SLC4A4: variants seen among roughly 807,000 people sequenced by gnomAD.
SLC4A4 encodes solute carrier family 4 member 4.
Under a neutral mutation model 111.5 loss-of-function variants are expected in SLC4A4, and 27 were observed. The observed-to-expected ratio is 0.24, with a 90% CI of 0.18 to 0.33. The LOEUF (loss-of-function observed/expected upper bound fraction) is 0.33. Among genes scored for constraint, SLC4A4 ranks in the 10% least tolerant of loss-of-function variants. The pLI, the probability that SLC4A4 is intolerant of heterozygous loss-of-function variation, is 1.00. For synonymous variants in SLC4A4, 443 were observed against 463.4 expected (o/e 0.96, Z 0.57); for missense variants, 909 against 1,315.5 (o/e 0.69, Z 4.78).
intron 3 of SLC4A4, among the ~76,000 whole-genome samples, chr4:71,311,957 C>G (rs1180082278): frequency 7.7e-6 from 1 of 130,178 alleles, no homozygotes; most frequent in Non-Finnish European, 1.7e-5. Context: ...CACGAAAAAC[C>G]CTTCAAAAAA....
chr4:71,478,769 T>G (rs925834438), intron 14 of SLC4A4, among the ~76,000 whole-genome samples: 1 of 151,756 alleles, frequency 6.6e-6, no homozygotes, highest in Admixed American at 6.6e-5. Context: ...AAAAGAATTG[T>G]GCTACTTGCA....
intron 2 of SLC4A4, among the ~76,000 whole-genome samples, chr4:71,147,789 A>G (rs143919061): frequency 7.2e-5 from 11 of 152,244 alleles, no homozygotes; most frequent in Middle Eastern, 6.8e-3. Context: ...TGTTGCCAGA[A>G]AAATAGCTGT....
At chr4:71,095,649 T>A (rs559437076) in intron 2 of SLC4A4, among the ~76,000 whole-genome samples, 41 of 152,314 alleles carry the variant, frequency 2.7e-4, no homozygotes, top group African/African-American at 9.6e-4. Flanking sequence ...ACTGATAAGG[T>A]CTAGGTACTA....
chr4:71,368,774 G>A (rs1462874328), intron 6 of SLC4A4, among the ~76,000 whole-genome samples: 3 of 152,124 alleles, frequency 2.0e-5, no homozygotes, highest in African/African-American at 4.8e-5. Flanking sequence ...GAACTGCAGG[G>A]TGGATCATCC....
At chr4:71,529,433 G>A (rs1006873251) in intron 16 of SLC4A4, among the ~76,000 whole-genome samples, 11 of 150,398 alleles carry the variant, frequency 7.3e-5, no homozygotes, top group African/African-American at 1.2e-4. Context: ...GGAATCATGC[G>A]TCTTGATCTC....
intron 13 of SLC4A4, among the ~76,000 whole-genome samples, chr4:71,468,674 G>T (rs963523373): frequency 6.6e-6 from 1 of 151,670 alleles, no homozygotes; most frequent in African/African-American, 2.4e-5. Context: ...CAAAATATTT[G>T]GGTAGATCAC....
intron 2 of SLC4A4, among the ~76,000 whole-genome samples, chr4:71,105,791 A>G (rs1223655453): frequency 8.8e-6 from 1 of 113,374 alleles, no homozygotes; most frequent in Non-Finnish European, 1.9e-5. Context: ...TTAAAGACTT[A>G]AACATTAGAC....
intron 18 of SLC4A4, among the ~76,000 whole-genome samples, chr4:71,538,285 TTA>T (rs1734747259): frequency 6.6e-6 from 1 of 152,150 alleles, no homozygotes; most frequent in Non-Finnish European, 1.5e-5. Flanking sequence ...ACAGACATTT[TTA>T]ATCTTATTTT....
upstream of SLC4A4, chr4:71,187,197 G>C (rs906820276): frequency 6.6e-6 from 1 of 151,920 alleles, no homozygotes; most frequent in Non-Finnish European, 1.5e-5. Flanking sequence ...CCCGCGGCTC[G>C]GCCCCGCCGC....
At chr4:71,228,611 T>C (rs1719200187) in intron 1 of SLC4A4, among the ~76,000 whole-genome samples, 1 of 152,212 alleles carries the variant, frequency 6.6e-6, no homozygotes, top group Admixed American at 6.5e-5. Flanking sequence ...TATTCAGTTT[T>C]GCCTGATTCT....
At chr4:71,164,187 C>T (rs888783403) in intron 2 of SLC4A4, among the ~76,000 whole-genome samples, 1 of 152,076 alleles carries the variant, frequency 6.6e-6, no homozygotes, top group African/African-American at 2.4e-5. Flanking sequence ...TTGAGACCAG[C>T]CTGGCCAACA....
chr4:71,433,135 T>C (rs1723794098), intron 7 of SLC4A4, among the ~76,000 whole-genome samples: 1 of 152,044 alleles, frequency 6.6e-6, no homozygotes, highest in Non-Finnish European at 1.5e-5. Flanking sequence ...AAAACCACTT[T>C]GTGCCTTCTT....
intron 7 of SLC4A4, among the ~76,000 whole-genome samples, chr4:71,420,458 A>T (rs1480657648): frequency 1.3e-5 from 2 of 152,100 alleles, no homozygotes; most frequent in East Asian, 3.8e-4. Flanking sequence ...AAGGCAGGCC[A>T]ACATTCAGAT....
At chr4:71,193,031 C>A (rs1208716006) in intron 1 of SLC4A4, among the ~76,000 whole-genome samples, 1 of 152,216 alleles carries the variant, frequency 6.6e-6, no homozygotes, top group Non-Finnish European at 1.5e-5. Flanking sequence ...AGTTTATTCT[C>A]ATTGCTACAT....
At chr4:71,462,559 C>T (rs1023715324) in intron 12 of SLC4A4, among the ~76,000 whole-genome samples, 4 of 151,874 alleles carry the variant, frequency 2.6e-5, no homozygotes, top group African/African-American at 9.7e-5. Context: ...CAGGTGTGCA[C>T]CACCATGCCT....
intron 6 of SLC4A4, among the ~76,000 whole-genome samples, chr4:71,396,253 A>G (rs977018726): frequency 6.6e-6 from 1 of 152,228 alleles, no homozygotes; most frequent in Non-Finnish European, 1.5e-5. Flanking sequence ...TAAGAGATCT[A>G]GGCCATGCTT....
In SLC4A4 at chr4:71,410,129, T is replaced by C. The variant is rs1425040003; in HGVS notation, c.807+12476T>C. ...TTATGGAGAACCTCTGTTAGGTCAG[T>C]GCAGAAGGGAAATGAGGGGTTGGAT... On this transcript the variant is annotated intron_variant, in intron 7 of 25. Transcript: ENST00000264485. Among the ~76,000 whole-genome samples the C allele has an allele frequency of 2.0e-5, 3 of 152,206 alleles. No individual in the cohort carries two copies. The East Asian group carries it at 5.8e-4, about 29-fold the overall frequency.
intron 1 of SLC4A4, among the ~76,000 whole-genome samples, chr4:71,214,410 G>T (rs1390242508): frequency 6.6e-6 from 1 of 152,120 alleles, no homozygotes; most frequent in East Asian, 1.9e-4. Context: ...TCTCAATTCT[G>T]TTTTCCATAA....
chr4:71,319,452 T>C (rs1211662572), intron 3 of SLC4A4, among the ~76,000 whole-genome samples: 1 of 152,088 alleles, frequency 6.6e-6, no homozygotes, highest in Non-Finnish European at 1.5e-5. Flanking sequence ...GTAGTTGTTA[T>C]TTAAATACTG....
Sources: allele counts gnomAD v4.1 joint callset (sites outside exome capture counted in the v4.1 genomes callset), GRCh38; gene constraint gnomAD v4.1.1; transcripts MANE v1.5; gene names NCBI Gene and HGNC (gene_info 2026-07-23, HGNC 2026-07-21).